SGCD: variants seen among roughly 807,000 people sequenced by gnomAD.
SGCD encodes the protein delta-sarcoglycan.
A neutral mutation model predicts 36.6 loss-of-function variants in SGCD; 18 were observed. That is an observed-to-expected ratio of 0.49 (90% CI 0.34 to 0.73). The LOEUF (loss-of-function observed/expected upper bound fraction) is 0.73. Among genes scored for constraint, SGCD ranks in the 30% least tolerant of loss-of-function variants. The pLI, the probability that SGCD is intolerant of heterozygous loss-of-function variation, is 0.01. For synonymous variants in SGCD, 133 were observed against 130.6 expected (o/e 1.02, Z -0.12); for missense variants, 387 against 346.7 (o/e 1.12, Z -0.92).
chr5:156,375,671 A>G (rs1215065758), intron 3 of SGCD, among the ~76,000 whole-genome samples: 2 of 152,178 alleles, frequency 1.3e-5, no homozygotes, highest in Non-Finnish European at 2.9e-5. Flanking sequence ...CCCCATGCTC[A>G]CTGCATTCAC....
chr5:156,639,482 A>G (rs1267703895), intron 6 of SGCD, among the ~76,000 whole-genome samples: 1 of 152,156 alleles, frequency 6.6e-6, no homozygotes, highest in South Asian at 2.1e-4. Context: ...GCTGGTGCCT[A>G]TATAAAAGTG....
At chr5:156,449,602 C>T (rs929356848) in intron 3 of SGCD, among the ~76,000 whole-genome samples, 4 of 143,264 alleles carry the variant, frequency 2.8e-5, no homozygotes, top group African/African-American at 5.3e-5. Flanking sequence ...GTGGCGGAAA[C>T]GGGTGGATCA....
At chr5:155,859,713 T>C in the SGCD span, among the ~76,000 whole-genome samples, 3 of 152,230 alleles carry the variant, frequency 2.0e-5, no homozygotes, top group Non-Finnish European at 4.4e-5. Context: ...TTCCATTGTA[T>C]AGATGTACCT....
chr5:155,988,538 C>T (rs911208144), intron 1 of SGCD, among the ~76,000 whole-genome samples: 36 of 152,128 alleles, frequency 2.4e-4, no homozygotes, highest in Admixed American at 1.7e-3. Flanking sequence ...TAGTGCCAGC[C>T]GCAGTGTATG....
At chr5:156,333,467 T>G (rs1166817269) in intron 2 of SGCD, among the ~76,000 whole-genome samples, 2 of 152,212 alleles carry the variant, frequency 1.3e-5, no homozygotes, top group Non-Finnish European at 2.9e-5. Context: ...AATATTGTTT[T>G]TATTAGTAAT....
chr5:155,799,217 A>T, the SGCD span, among the ~76,000 whole-genome samples: 1 of 152,152 alleles, frequency 6.6e-6, no homozygotes, highest in Non-Finnish European at 1.5e-5. Flanking sequence ...TGAGATCTGA[A>T]CAATTGTCTT....
intron 4 of SGCD, among the ~76,000 whole-genome samples, chr5:156,524,961 CT>C (rs762951175): frequency 2.6e-5 from 4 of 152,026 alleles, no homozygotes; most frequent in Non-Finnish European, 5.9e-5. Flanking sequence ...ACCATATTTT[CT>C]TTGCTCATTC....
chr5:156,495,499 C>A (rs1756143085), intron 3 of SGCD, among the ~76,000 whole-genome samples: 1 of 152,122 alleles, frequency 6.6e-6, no homozygotes, highest in African/African-American at 2.4e-5. Flanking sequence ...ACAACTTTTC[C>A]AAATGAAAAT....
intron 7 of SGCD, among the ~76,000 whole-genome samples, chr5:156,756,073 A>C (rs1452415078): frequency 6.6e-6 from 1 of 152,208 alleles, no homozygotes; most frequent in African/African-American, 2.4e-5. Flanking sequence ...GTGGGCAAGG[A>C]GAATGAGGTT....
chr5:156,098,341 T>G (rs550390016), intron 1 of SGCD, among the ~76,000 whole-genome samples: 1 of 152,278 alleles, frequency 6.6e-6, no homozygotes, highest in South Asian at 2.1e-4. Context: ...TCAAGCAGAT[T>G]ATATATGCAC....
intron 3 of SGCD, among the ~76,000 whole-genome samples, chr5:156,283,037 T>C (rs1766495231): frequency 6.6e-6 from 1 of 152,324 alleles, no homozygotes; most frequent in African/African-American, 2.4e-5. Context: ...GTTAGAAAGA[T>C]GAAAAGGAAC....
intron 1 of SGCD, among the ~76,000 whole-genome samples, chr5:155,988,141 T>C (rs532961946): frequency 6.6e-6 from 1 of 152,192 alleles, no homozygotes; most frequent in South Asian, 2.1e-4. Flanking sequence ...AGACTATTTA[T>C]ATATTGGTGC....
At chr5:156,185,387 T>C (rs1056914983) in intron 3 of SGCD, among the ~76,000 whole-genome samples, 1 of 151,870 alleles carries the variant, frequency 6.6e-6, no homozygotes, top group Non-Finnish European at 1.5e-5. Context: ...GCAAATTTTT[T>C]GTATTTTTAG....
chr5:155,761,350 C>A, the SGCD span, among the ~76,000 whole-genome samples: 1 of 116,628 alleles, frequency 8.6e-6, no homozygotes, highest in African/African-American at 3.5e-5. Context: ...TCACCCTATT[C>A]ATCATCCTCT....
upstream of SGCD, chr5:156,327,147 G>A (rs557315195): frequency 1.3e-5 from 2 of 152,262 alleles, no homozygotes; most frequent in South Asian, 2.1e-4. Context: ...TCAGCGGGCC[G>A]AGTGGCCACC....
intron 1 of SGCD, among the ~76,000 whole-genome samples, chr5:156,016,301 C>T (rs112377205): frequency 7.9e-5 from 12 of 152,094 alleles, no homozygotes; most frequent in African/African-American, 2.2e-4. Flanking sequence ...GGGTTTGTTT[C>T]GCTCCCTTCA....
intron 7 of SGCD, among the ~76,000 whole-genome samples, chr5:156,743,042 C>T (rs747291326): frequency 2.6e-5 from 4 of 151,892 alleles, no homozygotes; most frequent in Middle Eastern, 3.4e-3. Context: ...ATTTTTTGCC[C>T]GCTTATACCA....
At position 156,008,742 on chromosome 5, in the gene SGCD, T is replaced by G. The variant is rs1581039509; in HGVS notation, c.-281-109136T>G. Among the ~76,000 whole-genome samples the G allele has an allele frequency of 3.9e-5, 6 of 152,266 alleles. No homozygotes were observed. In the South Asian group the frequency reaches 1.2e-3, roughly 32 times the overall value. On this transcript the variant is annotated intron_variant, in intron 1 of 9. Coordinates refer to the SGCD transcript ENST00000517913. ...GGGCCCATCCTACTCCAATATGACTTTATTGTAATTAATTACATCTACAGA... is the reference window on the plus strand; with the variant it reads ...GGGCCCATCCTACTCCAATATGACTGTATTGTAATTAATTACATCTACAGA...
intron 1 of SGCD, among the ~76,000 whole-genome samples, chr5:155,874,477 G>T (rs985497066): frequency 6.6e-6 from 1 of 152,056 alleles, no homozygotes; most frequent in Non-Finnish European, 1.5e-5. Context: ...TGAAGTCAGT[G>T]CACAGAAGAG....
Sources: allele counts gnomAD v4.1 joint callset (sites outside exome capture counted in the v4.1 genomes callset), GRCh38; gene constraint gnomAD v4.1.1; transcripts MANE v1.5; gene names NCBI Gene and HGNC (gene_info 2026-07-23, HGNC 2026-07-21).